Variants in PCDHA10 observed in about 807,000 individuals in gnomAD.
The protein encoded by PCDHA10 is protocadherin alpha 10.
Under a neutral mutation model 61.2 loss-of-function variants are expected in PCDHA10, and 45 were observed. The ratio of observed to expected loss-of-function variants is 0.74; its 90% confidence interval spans 0.58 to 0.94. The LOEUF (loss-of-function observed/expected upper bound fraction) is 0.94, where lower values mean the gene tolerates loss of function less well. Ranked by LOEUF, PCDHA10 falls within the 40% of genes least tolerant of loss-of-function variation. The probability of loss-of-function intolerance (pLI) is 0.00; values close to 1 mark genes in which losing one functional copy is unlikely to be tolerated. For missense variants in PCDHA10, 1,278 were observed against 1,236.2 expected (o/e 1.03, Z -0.51); for synonymous variants, 602 against 548.8 (o/e 1.10, Z -1.35).
At chr5:140,943,791 C>G (rs74565063) in intron 1 of PCDHA10, among the ~76,000 whole-genome samples, 2,339 of 152,200 alleles carry the variant, frequency 0.015, 18 homozygotes, top group Middle Eastern at 0.027. Flanking sequence ...GTCCTTTATG[C>G]AAAGCAAAAG....
chr5:140,976,054 G>A (rs1554237225), intron 1 of PCDHA10, among the ~76,000 whole-genome samples: 1 of 152,134 alleles, frequency 6.6e-6, no homozygotes, highest in African/African-American at 2.4e-5. Context: ...AATTGTGATA[G>A]TAATATATGT....
intron 3 of PCDHA10, among the ~76,000 whole-genome samples, chr5:140,985,935 T>C (rs1563529145): frequency 6.6e-6 from 1 of 151,974 alleles, no homozygotes; most frequent in African/African-American, 2.4e-5. Context: ...GAGCCGGGGT[T>C]TCACTGTGTT....
chr5:140,883,483 C>A, intron 1 of PCDHA10: 1 of 1,614,196 alleles, frequency 6.2e-7, no homozygotes, highest in African/African-American at 1.3e-5. Flanking sequence ...AGAACTACTA[C>A]TCATTAGTGC....
intron 1 of PCDHA10, among the ~76,000 whole-genome samples, chr5:140,908,412 T>G (rs2073956005): frequency 6.6e-6 from 1 of 152,212 alleles, no homozygotes; most frequent in South Asian, 2.1e-4. Context: ...TTCCATTTGA[T>G]GATGGAATGC....
At chr5:140,994,848 T>C (rs1453646097) in intron 3 of PCDHA10, among the ~76,000 whole-genome samples, 2 of 151,686 alleles carry the variant, frequency 1.3e-5, no homozygotes, top group East Asian at 3.9e-4. Flanking sequence ...ATAAGATGAG[T>C]GCATTTGATG....
At chr5:140,995,342 A>G (rs2097678065) in intron 3 of PCDHA10, among the ~76,000 whole-genome samples, 1 of 152,122 alleles carries the variant, frequency 6.6e-6, no homozygotes, top group African/African-American at 2.4e-5. Flanking sequence ...TGTAGACGGC[A>G]TGGATAGGTC....
intron 1 of PCDHA10, among the ~76,000 whole-genome samples, chr5:140,915,680 A>G (rs2077249777): frequency 6.6e-6 from 1 of 150,862 alleles, no homozygotes; most frequent in South Asian, 2.1e-4. Context: ...ATCTTGAACT[A>G]GGGGTATGGT....
At chr5:140,881,025 C>A (rs1554171683) in intron 1 of PCDHA10, among the ~76,000 whole-genome samples, 1 of 152,216 alleles carries the variant, frequency 6.6e-6, no homozygotes, top group Admixed American at 6.5e-5. Context: ...ATAAACCCAA[C>A]AGTCATTTCC....
At chr5:140,966,836 C>T in intron 1 of PCDHA10, 1 of 1,565,250 alleles carries the variant, frequency 6.4e-7, no homozygotes, top group Non-Finnish European at 8.6e-7. Context: ...GCCCTGGCTG[C>T]TGCTACTGCC....
chr5:140,862,491 C>T, intron 1 of PCDHA10: 1 of 387,444 alleles, frequency 2.6e-6, no homozygotes, highest in Admixed American at 3.4e-5. Flanking sequence ...TTGGTAATCG[C>T]TCGGAATGGG....
At chr5:140,898,133 G>T (rs2153459320) in intron 1 of PCDHA10, among the ~76,000 whole-genome samples, 1 of 152,202 alleles carries the variant, frequency 6.6e-6, no homozygotes, top group African/African-American at 2.4e-5. Flanking sequence ...CTCCCATTTT[G>T]TAGGTTGCCT....
At chr5:140,982,359 C>T in intron 2 of PCDHA10, 116 bp from the exon 3 acceptor site, 1 of 1,523,712 alleles carries the variant, frequency 6.6e-7, no homozygotes. Context: ...CAAGCATGAG[C>T]AGAATGTGTT....
At chr5:140,933,592 G>T (rs1034374854) in intron 1 of PCDHA10, among the ~76,000 whole-genome samples, 2 of 151,986 alleles carry the variant, frequency 1.3e-5, no homozygotes, top group Non-Finnish European at 2.9e-5. Context: ...TTTTTAGGTT[G>T]ATTTGTCTTT....
At chr5:140,927,051 G>C (rs1554203978) in intron 1 of PCDHA10, 1 of 1,611,998 alleles carries the variant, frequency 6.2e-7, no homozygotes, top group Non-Finnish European at 8.5e-7. Flanking sequence ...TGTCCTCGCG[G>C]AACTTTCGCT....
At chr5:140,874,703 A>G (rs782809395) in intron 1 of PCDHA10, among the ~76,000 whole-genome samples, 16 of 152,270 alleles carry the variant, frequency 1.1e-4, no homozygotes, top group Admixed American at 7.2e-4. Flanking sequence ...TATGGAAATG[A>G]GAGCAGTTAT....
chr5:140,887,258 T>G (rs934733001), intron 1 of PCDHA10, among the ~76,000 whole-genome samples: 4 of 151,924 alleles, frequency 2.6e-5, no homozygotes, highest in East Asian at 1.9e-4. Context: ...CACCACGCCC[T>G]GCTAATTTTT....
chr5:140,961,929 G>C (rs1387333199), intron 1 of PCDHA10, among the ~76,000 whole-genome samples: 1 of 151,712 alleles, frequency 6.6e-6, no homozygotes, highest in Non-Finnish European at 1.5e-5. Context: ...TGTTGCCCAG[G>C]CTGGAGTGCA....
intron 1 of PCDHA10, among the ~76,000 whole-genome samples, chr5:140,957,708 T>TA (rs1330263414): frequency 6.6e-6 from 1 of 152,124 alleles, no homozygotes; most frequent in Non-Finnish European, 1.5e-5. Context: ...ATGTAGTTTT[T>TA]ATTAAGAAAG....
intron 1 of PCDHA10, among the ~76,000 whole-genome samples, chr5:140,960,278 T>A (rs2095536864): frequency 6.6e-6 from 1 of 152,192 alleles, no homozygotes. Context: ...CGTCACCTTT[T>A]TGGGACCCAG....
Sources: allele counts gnomAD v4.1 joint callset (sites outside exome capture counted in the v4.1 genomes callset), GRCh38; gene constraint gnomAD v4.1.1; transcripts MANE v1.5; gene names NCBI Gene and HGNC (gene_info 2026-07-23, HGNC 2026-07-21).